The following OPCML variants were observed in gnomAD, a reference collection of about 807,000 sequenced individuals.
The protein encoded by OPCML is opioid-binding protein/cell adhesion molecule.
OPCML carries 13 observed loss-of-function variants against 37.8 expected under a neutral mutation model. That is an observed-to-expected ratio of 0.34 (90% confidence interval 0.22 to 0.55). The LOEUF is 0.55. OPCML is among the 20% of genes least tolerant of loss of function. The pLI is 0.91. For missense variants in OPCML, 341 were observed against 435.6 expected, an observed-to-expected ratio of 0.78 and a Z score of 1.93; for synonymous variants, 176 against 168.8, an observed-to-expected ratio of 1.04 and a Z score of -0.33.
chr11:132,967,116 A>G (rs1434065331), intron 1 of OPCML, among the ~76,000 whole-genome samples: 1 of 151,802 alleles, frequency 6.6e-6, no homozygotes, highest in Non-Finnish European at 1.5e-5. Flanking sequence ...TGCTTTCTTC[A>G]TATTATATGC....
At chr11:133,185,655 G>A (rs765805203) in intron 1 of OPCML, among the ~76,000 whole-genome samples, 5 of 152,142 alleles carry the variant, frequency 3.3e-5, no homozygotes, top group Non-Finnish European at 7.4e-5. Context: ...CAAGAAAAAT[G>A]GCATATTTTG....
chr11:133,484,684 T>C (rs767162467), intron 1 of OPCML, among the ~76,000 whole-genome samples: 1 of 152,176 alleles, frequency 6.6e-6, no homozygotes, highest in Non-Finnish European at 1.5e-5. Flanking sequence ...ATGTGTATAT[T>C]GTAAAATAAT....
chr11:133,175,314 C>G (rs1023547632), intron 1 of OPCML, among the ~76,000 whole-genome samples: 1 of 152,126 alleles, frequency 6.6e-6, no homozygotes, highest in Admixed American at 6.5e-5. Context: ...TGTGAGTCCA[C>G]TGGAGCCATG....
At chr11:132,570,684 T>G (rs2096435053) in intron 3 of OPCML, among the ~76,000 whole-genome samples, 1 of 143,528 alleles carries the variant, frequency 7.0e-6, no homozygotes, top group African/African-American at 2.6e-5. Flanking sequence ...ATAATATGTT[T>G]TATACATATG....
chr11:132,425,846 C>A (rs572323436), intron 7 of OPCML, among the ~76,000 whole-genome samples: 8 of 152,304 alleles, frequency 5.3e-5, no homozygotes, highest in African/African-American at 1.9e-4. Flanking sequence ...TATTCAGTAG[C>A]CCAGTACTTT....
At chr11:133,496,466 T>C (rs1480000056) in intron 1 of OPCML, among the ~76,000 whole-genome samples, 2 of 152,132 alleles carry the variant, frequency 1.3e-5, no homozygotes, top group Admixed American at 1.3e-4. Flanking sequence ...TGGGGATGTG[T>C]TGCATTTGTA....
intron 1 of OPCML, among the ~76,000 whole-genome samples, chr11:133,458,630 T>G (rs1946770345): frequency 7.7e-6 from 1 of 130,266 alleles, no homozygotes; most frequent in Admixed American, 6.9e-5. Context: ...TACACGTGTG[T>G]GTGTATATAC....
intron 1 of OPCML, among the ~76,000 whole-genome samples, chr11:133,089,922 A>G (rs1948878254): frequency 6.6e-6 from 1 of 152,222 alleles, no homozygotes; most frequent in African/African-American, 2.4e-5. Context: ...TGTTGGGAAT[A>G]AAATGGTGAG....
In OPCML at chr11:132,435,010, A is replaced by G. The variant is rs1018382077; in HGVS notation, c.916+1076T>C. On this transcript the variant is annotated intron_variant, in intron 7 of 7. Coordinates refer to ENST00000524381, the MANE Select transcript of OPCML (RefSeq NM_001012393.5). Reference sequence around the variant, plus strand: ...CATATTCTACATGCTTATTATCTAAACTGTGTAAACCAAGCCCCTTGAGGT... The same window carrying G: ...CATATTCTACATGCTTATTATCTAAGCTGTGTAAACCAAGCCCCTTGAGGT... 5.0e-5 allele frequency: 20 copies of G among 399,832 alleles called. No homozygotes were observed. The East Asian group carries it at 1.4e-3, about 27-fold the overall frequency. 24.8% of individuals were successfully genotyped at this position (399,832 alleles called of 1,614,324 possible). A position where few individuals can be genotyped will look rare whatever the true frequency, so the allele number is the denominator to read the frequency against.
intron 1 of OPCML, among the ~76,000 whole-genome samples, chr11:133,204,088 A>AAAAAAAG (rs1938928746): frequency 7.0e-6 from 1 of 143,064 alleles, no homozygotes; most frequent in African/African-American, 2.6e-5. Context: ...AAAAAAAAAA[A>AAAAAAAG]TGCAAAGGAC....
At chr11:132,828,757 TGAA>T (rs1231665783) in intron 2 of OPCML, among the ~76,000 whole-genome samples, 1 of 152,216 alleles carries the variant, frequency 6.6e-6, no homozygotes, top group African/African-American at 2.4e-5. Context: ...GTGCTGATAC[TGAA>T]GTTGTCTAGA....
intron 2 of OPCML, among the ~76,000 whole-genome samples, chr11:132,685,668 C>G (rs905304322): frequency 1.3e-5 from 2 of 152,162 alleles, no homozygotes; most frequent in African/African-American, 4.8e-5. Flanking sequence ...GGAGTTAACA[C>G]ACTCCCCCCA....
At chr11:132,543,758 C>T (rs547699019) in intron 3 of OPCML, among the ~76,000 whole-genome samples, 4 of 152,032 alleles carry the variant, frequency 2.6e-5, no homozygotes, top group African/African-American at 4.8e-5. Context: ...CCATATATAC[C>T]GCCACGTTTT....
At chr11:132,972,238 C>A (rs1946360182) in intron 1 of OPCML, among the ~76,000 whole-genome samples, 1 of 152,120 alleles carries the variant, frequency 6.6e-6, no homozygotes, top group Non-Finnish European at 1.5e-5. Context: ...TGGCCCCAGT[C>A]CTGCGGTGTG....
intron 2 of OPCML, among the ~76,000 whole-genome samples, chr11:132,744,415 T>C (rs1423790503): frequency 6.6e-6 from 1 of 152,216 alleles, no homozygotes; most frequent in Admixed American, 6.5e-5. Flanking sequence ...CTTAAACTGG[T>C]TCTTTCTAGT....
At chr11:133,277,553 C>G (rs1942028477) in intron 1 of OPCML, among the ~76,000 whole-genome samples, 1 of 152,064 alleles carries the variant, frequency 6.6e-6, no homozygotes, top group African/African-American at 2.4e-5. Flanking sequence ...TGGACAATGG[C>G]CTCTTCCACT....
At chr11:132,620,569 A>G (rs1591634340) in intron 3 of OPCML, among the ~76,000 whole-genome samples, 1 of 152,328 alleles carries the variant, frequency 6.6e-6, no homozygotes, top group East Asian at 1.9e-4. Flanking sequence ...ACGCTTTACC[A>G]ACACTGGCTA....
chr11:132,491,487 G>A (rs1172228361), intron 4 of OPCML, among the ~76,000 whole-genome samples: 5 of 152,136 alleles, frequency 3.3e-5, no homozygotes, highest in East Asian at 3.9e-4. Flanking sequence ...CTTGTTGCAC[G>A]GACCACCTCA....
At chr11:132,925,516 G>T (rs1460478464) in intron 2 of OPCML, among the ~76,000 whole-genome samples, 2 of 152,176 alleles carry the variant, frequency 1.3e-5, no homozygotes, top group Non-Finnish European at 2.9e-5. Flanking sequence ...GAACCTGGTG[G>T]GGCTTCTGGA....
Sources: gnomAD v4.1 joint callset for allele counts (sites outside exome capture counted in the v4.1 genomes callset) on GRCh38, gnomAD v4.1.1 for gene constraint, MANE v1.5 for transcripts, NCBI Gene and HGNC (gene_info 2026-07-23, HGNC 2026-07-21) for gene names.